USP34: variants seen among roughly 807,000 people sequenced by gnomAD.
USP34 encodes ubiquitin carboxyl-terminal hydrolase 34.
In USP34, 70 loss-of-function variants were observed where a neutral mutation model predicts 460.3. That is an observed-to-expected ratio of 0.15 (90% CI 0.13 to 0.19). The LOEUF (loss-of-function observed/expected upper bound fraction) is 0.19. Ranked by LOEUF, USP34 falls within the 10% of genes least tolerant of loss-of-function variation. The pLI is 1.00. For synonymous variants in USP34, 1,647 were observed against 1,405.3 expected (o/e 1.17, Z -3.85); for missense variants, 3,985 against 4,236.2 (o/e 0.94, Z 1.65).
intron 2 of USP34, among the ~76,000 whole-genome samples, chr2:61,407,570 C>T (rs1416904337): frequency 6.6e-6 from 1 of 152,162 alleles, no homozygotes. Context: ...CTTATTTCTC[C>T]AAGTGTGAAT....
intron 21 of USP34, among the ~76,000 whole-genome samples, chr2:61,322,803 C>G (rs1247024695): frequency 6.6e-6 from 1 of 152,008 alleles, no homozygotes; most frequent in Non-Finnish European, 1.5e-5. Flanking sequence ...TATAAATAAA[C>G]CCAAAACAAT....
In USP34 at chr2:61,265,571, A is replaced by T; in HGVS notation, c.5618-14T>A. On this transcript the variant is annotated splice_polypyrimidine_tract_variant and intron_variant, in intron 42 of 79. Transcript: ENST00000398571. ...AAGGTGCATGGGCTGCTGAAGAAAG[A>T]GGGAGGAAAAGATCCCCCCCAAACA... The T allele has an allele frequency of 6.3e-7, 1 of 1,578,612 alleles. No individual in the cohort carries two copies. Among genetic ancestry groups the T allele is most frequent in the Non-Finnish European group, 8.6e-7 (1 of 1,159,164 alleles).
Position 61,190,632 on chromosome 2 carries a change from C to T in USP34, c.9615G>A (p.Lys3205=), listed in dbSNP as rs1302632303. 6.2e-7 allele frequency: 1 copy of T among 1,613,808 alleles called. No homozygotes were observed. Among genetic ancestry groups the T allele is most frequent in the Admixed American group, 1.7e-5 (1 of 59,954 alleles). ...CGAAAACAGGATCTTCACACAAAAG[C>T]TTGATGCAGTTTTTTGACATAGCAG... ...TQSAMSKNCI[K]LLCEDPVFAE... is the part of the protein sequence containing the mutation. Residue 3205 remains lysine (K), a synonymous_variant, in exon 77 of 80, where the codon AAG becomes AAA. Transcript: ENST00000398571.
At chr2:61,314,189 CAT>C (rs1384340610) in intron 25 of USP34, among the ~76,000 whole-genome samples, 1 of 151,512 alleles carries the variant, frequency 6.6e-6, no homozygotes, top group African/African-American at 2.4e-5. Flanking sequence ...GCAAATGAAA[CAT>C]ATGACTCAAC....
chr2:61,381,204 A>T (rs902937190), intron 6 of USP34, among the ~76,000 whole-genome samples: 43 of 135,938 alleles, frequency 3.2e-4, no homozygotes, highest in Admixed American at 1.4e-3. Flanking sequence ...AATGATCAAT[A>T]AAAAAAAAAA....
At chr2:61,391,300 G>T (rs373616462) in intron 5 of USP34, among the ~76,000 whole-genome samples, 1 of 151,876 alleles carries the variant, frequency 6.6e-6, no homozygotes, top group African/African-American at 2.4e-5. Context: ...ACAAAAATTA[G>T]CCAGTCTCAA....
intron 1 of USP34, among the ~76,000 whole-genome samples, chr2:61,456,223 T>C (rs1028305332): frequency 6.6e-6 from 1 of 152,224 alleles, no homozygotes; most frequent in Non-Finnish European, 1.5e-5. Context: ...ATTTCACCTC[T>C]TTCATGGTAA....
At chr2:61,210,106 A>G (rs1255544400) in intron 69 of USP34, among the ~76,000 whole-genome samples, 1 of 152,176 alleles carries the variant, frequency 6.6e-6, no homozygotes, top group African/African-American at 2.4e-5. Context: ...GTACATTAAT[A>G]ATGAAGAAAA....
Position 61,295,240 on chromosome 2 carries a change from G to A in USP34, c.4305C>T (p.His1435=). ...TAATTTCCAGAGCATACAATAGCTT[G>A]TGGGCGCTCTTAATTTTGAGAAGTT... ...WKELLKIKSA[H]KLLYALEIIE... The change falls in exon 31 of 80, where the codon CAC becomes CAT. Residue 1435 remains histidine, a synonymous_variant. Transcript: ENST00000398571. The A allele has an allele frequency of 6.2e-7, 1 of 1,609,302 alleles. No individual in the cohort carries two copies. The highest frequency in any genetic ancestry group is 1.1e-5 in the South Asian group (1 of 89,622).
intron 10 of USP34, among the ~76,000 whole-genome samples, chr2:61,362,314 T>C (rs1692299717): frequency 6.6e-6 from 1 of 152,260 alleles, no homozygotes; most frequent in East Asian, 1.9e-4. Flanking sequence ...TGGATACATA[T>C]CCAAAGGAAA....
intron 53 of USP34, among the ~76,000 whole-genome samples, chr2:61,240,060 T>A (rs963802736): frequency 6.6e-6 from 1 of 151,984 alleles, no homozygotes; most frequent in Admixed American, 6.6e-5. Flanking sequence ...AAAAAAAATT[T>A]TTTTTTTATC....
At chr2:61,271,156 C>T (rs1255589698) in intron 41 of USP34, among the ~76,000 whole-genome samples, 5 of 152,186 alleles carry the variant, frequency 3.3e-5, no homozygotes, top group African/African-American at 1.2e-4. Flanking sequence ...AAAAATTTAG[C>T]TGGGTGTGGT....
rs567471732 is a variant in USP34, at chr2:61,296,816, T to C, written c.4238A>G (p.Asn1413Ser). ...TGGGCTCACCTGCTCATCTGAGATA[T>C]TCTGGAATGCCATCAACATATTAGG... is the stretch of plus-strand genomic sequence containing the variant. ...TCPNMLMAFQ[N>S]ISDEQSNDGF... Residue 1413 changes from asparagine to serine, a missense_variant, in exon 30 of 80, where the codon AAT becomes AGT. Around this residue, in one of 14 missense-constraint regions of USP34, gnomAD observed 1,114 missense variants for 1,122.5 expected, o/e 0.99. Coordinates refer to ENST00000398571, the MANE Select transcript of USP34 (RefSeq NM_014709.4). The C allele has an allele frequency of 1.2e-6, 2 of 1,613,168 alleles. No homozygotes were observed. The highest frequency in any genetic ancestry group is 1.7e-6 in the Non-Finnish European group (2 of 1,179,656).
At position 61,308,710 on chromosome 2, in the gene USP34, G is replaced by GA. The variant is rs748327129; in HGVS notation, c.3817+2829dup. Among the ~76,000 whole-genome samples, 77 of 152,186 alleles carry GA rather than the reference G, an allele frequency of 5.1e-4. 1 individual carries two copies. The highest frequency in any genetic ancestry group is 8.7e-4 in the Non-Finnish European group (59 of 67,988). On this transcript the variant is annotated intron_variant, in intron 27 of 79. Coordinates refer to ENST00000398571, the MANE Select transcript of USP34 (RefSeq NM_014709.4). The stretch of plus-strand genomic sequence containing the variant: ...CCTATACTCAGGCCCAGAACACTAA[G>GA]AAAAAAGTGAAGACTGATTAATGTC...
intron 1 of USP34, among the ~76,000 whole-genome samples, chr2:61,470,358 C>T (rs897184318): frequency 1.3e-5 from 2 of 152,134 alleles, no homozygotes; most frequent in Non-Finnish European, 2.9e-5. Context: ...TCATTACTGC[C>T]TTCATTAATT....
At chr2:61,213,961 G>A in intron 68 of USP34, 99 bp downstream of exon 68, 3 of 1,366,828 alleles carry the variant, frequency 2.2e-6, no homozygotes, top group East Asian at 2.4e-5. Flanking sequence ...AAAGAATGGT[G>A]AGACTATTCT....
chr2:61,212,365 C>T (rs910335076), intron 68 of USP34, among the ~76,000 whole-genome samples: 3 of 152,164 alleles, frequency 2.0e-5, no homozygotes, highest in Non-Finnish European at 4.4e-5. Context: ...AATGTAAACC[C>T]AGAGGCATGC....
rs70963432 is a variant in USP34 at position 61,451,220 on chromosome 2, CAAAAAAAAAAAA to C, written c.43+19418_43+19429del. The stretch of plus-strand genomic sequence containing the variant: ...CAGGTGACAGTGTGAGGCTTCATCT[CAAAAAAAAAAAA>C]AAAAAAAAAAAAAGAAATGAATAAC... On this transcript the variant is annotated intron_variant, in intron 1 of 79. Transcript: ENST00000398571. Among the ~76,000 whole-genome samples the C allele has an allele frequency of 2.3e-3, 118 of 50,784 alleles. 2 individuals are homozygous for C. The Middle Eastern group carries it at 0.054, about 23-fold the overall frequency. The allele number at this position is 50,784 out of a possible 152,430, so 33.3% of individuals were successfully genotyped here.
In USP34 at chr2:61,398,085, G is replaced by T. The variant is rs574830162; in HGVS notation, c.553-2852C>A. 4.3e-4 allele frequency among the ~76,000 whole-genome samples: 65 copies of T among 151,866 alleles called. No homozygotes were observed. In the South Asian group the frequency reaches 0.013, roughly 31 times the overall value. On this transcript the variant is annotated intron_variant, in intron 3 of 79. Coordinates refer to ENST00000398571, the MANE Select transcript of USP34 (RefSeq NM_014709.4). Reference sequence around the variant, plus strand: ...GACTCCGCCTCCAAAAAAAAAGATTGCTTTTAGGTTGAGTGCAGTGGCTCA... The same window carrying T: ...GACTCCGCCTCCAAAAAAAAAGATTTCTTTTAGGTTGAGTGCAGTGGCTCA...
Sources: allele counts gnomAD v4.1 joint callset (sites outside exome capture counted in the v4.1 genomes callset), GRCh38; gene constraint gnomAD v4.1.1; regional missense constraint gnomAD v4.1.1; transcripts MANE v1.5; gene names NCBI Gene and HGNC (gene_info 2026-07-23, HGNC 2026-07-21).